The following DDB2 variants were observed in gnomAD, a reference collection of about 807,000 sequenced individuals.
DDB2 encodes DNA damage-binding protein 2.
In DDB2, 27 loss-of-function variants were observed where a neutral mutation model predicts 50.5. The observed-to-expected ratio is 0.53, with a 90% CI of 0.39 to 0.74. The LOEUF is 0.74. DDB2 is among the 30% of genes least tolerant of loss of function. The pLI, the probability that DDB2 is intolerant of heterozygous loss-of-function variation, is 0.00. For missense variants in DDB2, 424 were observed against 545.6 expected, an observed-to-expected ratio of 0.78 and a Z score of 2.22; for synonymous variants, 176 against 205.5, an observed-to-expected ratio of 0.86 and a Z score of 1.23.
intron 7 of DDB2, 80 bp from the exon 8 acceptor site, chr11:47,237,757 T>A (rs1170887303): frequency 6.9e-7 from 1 of 1,441,862 alleles, no homozygotes; most frequent in Non-Finnish European, 9.8e-7. Flanking sequence ...TTGATGTTCC[T>A]CTTTGTTCAT....
At position 47,239,006 on chromosome 11, in the gene DDB2, C is replaced by T; in HGVS notation, c.*157C>T. The stretch of plus-strand genomic sequence containing the variant: ...GACCTGGGGCACTGTGGGACTGGGA[C>T]ACTTTTATGTTAATGCTCTGGACTT... On this transcript the variant is annotated 3_prime_UTR_variant, in exon 10 of 10. Coordinates refer to ENST00000256996, the MANE Select transcript of DDB2 (RefSeq NM_000107.3). The T allele has an allele frequency of 1.4e-6, 1 of 707,082 alleles. No individual in the cohort carries two copies. The highest frequency in any genetic ancestry group is 2.4e-6 in the Non-Finnish European group (1 of 414,364). 43.8% of individuals were successfully genotyped at this position (707,082 alleles called of 1,614,324 possible). A position where few individuals can be genotyped will look rare whatever the true frequency, so the allele number is the denominator to read the frequency against.
intron 6 of DDB2, 168 bp downstream of exon 6, chr11:47,235,102 G>A (rs771715652): frequency 9.7e-5 from 125 of 1,292,842 alleles, no homozygotes; most frequent in Admixed American, 1.5e-4. Context: ...CAGCTGCTGA[G>A]TTTCCAGAAT....
At chr11:47,225,564 C>T (rs899817492) in intron 3 of DDB2, among the ~76,000 whole-genome samples, 2 of 151,770 alleles carry the variant, frequency 1.3e-5, no homozygotes, top group South Asian at 2.1e-4. Flanking sequence ...TGCACTCCAG[C>T]CTGGGCAACA....
chr11:47,216,021 C>T, intron 1 of DDB2: 1 of 449,098 alleles, frequency 2.2e-6, no homozygotes, highest in South Asian at 2.1e-5. Flanking sequence ...AGTTTTGCAG[C>T]CCAAACTGGG....
chr11:47,226,278 C>CTTTTTTTTTT (rs759607243), intron 3 of DDB2, among the ~76,000 whole-genome samples: 1 of 139,288 alleles, frequency 7.2e-6, no homozygotes. Context: ...CATTTATTTT[C>CTTTTTTTTTT]TTTTTTTTTT....
At chr11:47,214,897 C>T, upstream of DDB2, 1 of 578,392 alleles carries the variant, frequency 1.7e-6, no homozygotes, top group Non-Finnish European at 3.0e-6. Flanking sequence ...CGCCCCTTGG[C>T]ACCACCCCCT....
intron 3 of DDB2, among the ~76,000 whole-genome samples, chr11:47,219,727 T>C (rs1473212101): frequency 6.6e-6 from 1 of 152,186 alleles, no homozygotes; most frequent in East Asian, 1.9e-4. Context: ...TCCACTATTT[T>C]TCTAGCTCTG....
chr11:47,231,119 CAAAAAAAAAAAAAAA>C (rs139290057), intron 3 of DDB2, among the ~76,000 whole-genome samples: 3 of 58,366 alleles, frequency 5.1e-5, no homozygotes, highest in Non-Finnish European at 9.4e-5. Context: ...GCCTTCATCT[CAAAAAAAAAAAAAAA>C]AAAAAAAAAA....
chr11:47,216,608 A>T (rs1953404013), intron 2 of DDB2, 136 bp downstream of exon 2: 1 of 1,327,206 alleles, frequency 7.5e-7, no homozygotes, highest in Non-Finnish European at 1.1e-6. Context: ...TGACTGGCCT[A>T]CTGGGCACTC....
intron 3 of DDB2, among the ~76,000 whole-genome samples, chr11:47,231,690 T>C (rs1476776902): frequency 6.6e-6 from 1 of 151,996 alleles, no homozygotes; most frequent in Non-Finnish European, 1.5e-5. Flanking sequence ...GTCTAAATTT[T>C]TTTTGTGTGT....
chr11:47,235,589 C>A, intron 7 of DDB2, 177 bp downstream of exon 7: 2 of 665,642 alleles, frequency 3.0e-6, no homozygotes, highest in Non-Finnish European at 5.3e-6. Flanking sequence ...CCCACTTCTG[C>A]CATCCCATAT....
chr11:47,224,586 G>T (rs1290090489), intron 3 of DDB2, among the ~76,000 whole-genome samples: 1 of 152,074 alleles, frequency 6.6e-6, no homozygotes, highest in African/African-American at 2.4e-5. Flanking sequence ...TGAAGAAAAA[G>T]AACAGTTCTT....
At chr11:47,225,297 T>TA (rs1953542275) in intron 3 of DDB2, among the ~76,000 whole-genome samples, 11 of 149,944 alleles carry the variant, frequency 7.3e-5, no homozygotes, top group African/African-American at 2.4e-5. Context: ...CTGCTTTTTT[T>TA]AAAAAAAATT....
intron 2 of DDB2, among the ~76,000 whole-genome samples, 172 bp downstream of exon 2, chr11:47,216,644 G>T (rs1435912696): frequency 6.6e-6 from 1 of 152,190 alleles, no homozygotes; most frequent in Non-Finnish European, 1.5e-5. Context: ...GTCTTATGTT[G>T]TAAAGGTCCC....
chr11:47,215,037 G>A lies in DDB2; in HGVS notation c.-100G>A. The A allele has an allele frequency of 2.5e-6, 4 of 1,574,632 alleles. No homozygotes were observed. The highest frequency in any genetic ancestry group is 2.2e-5 in the East Asian group (1 of 44,566). ...GCTTAGCTCGGCTACCTGTGGCCCC[G>A]CAGTTTTGTAGTCCCCGCCTTGTTT... On this transcript the variant is annotated 5_prime_UTR_variant, in exon 1 of 10. Transcript: ENST00000256996.
At chr11:47,223,506 C>T (rs983540173) in intron 3 of DDB2, among the ~76,000 whole-genome samples, 8 of 150,926 alleles carry the variant, frequency 5.3e-5, no homozygotes, top group African/African-American at 1.5e-4. Flanking sequence ...TAAGGCTGGG[C>T]GCGGTGGCTG....
intron 4 of DDB2, among the ~76,000 whole-genome samples, chr11:47,233,765 C>T (rs1042676799): frequency 5.9e-5 from 9 of 151,886 alleles, no homozygotes; most frequent in Non-Finnish European, 1.0e-4. Context: ...CAGCTAGAGC[C>T]GTGACTCTGA....
rs534403007 is a variant in DDB2, at chr11:47,219,323, C to T, written c.456+2274C>T. 3.9e-5 allele frequency among the ~76,000 whole-genome samples: 6 copies of T among 152,036 alleles called. No homozygotes were observed. In the South Asian group the frequency reaches 6.2e-4, roughly 16 times the overall value. Reference sequence around the variant, plus strand: ...CATTTTAAAGTGCACAGTTCAATGGCGTTGGGTAAATTGTGTAAGCAGTCT... The same window carrying T: ...CATTTTAAAGTGCACAGTTCAATGGTGTTGGGTAAATTGTGTAAGCAGTCT... On this transcript the variant is annotated intron_variant, in intron 3 of 9. Coordinates refer to ENST00000256996, the MANE Select transcript of DDB2 (RefSeq NM_000107.3).
chr11:47,228,452 C>G (rs1953591679), intron 3 of DDB2, among the ~76,000 whole-genome samples: 1 of 151,722 alleles, frequency 6.6e-6, no homozygotes, highest in Non-Finnish European at 1.5e-5. Context: ...ACCAGCCTGG[C>G]CAACATGGCA....
Sources: allele counts gnomAD v4.1 joint callset (sites outside exome capture counted in the v4.1 genomes callset), GRCh38; gene constraint gnomAD v4.1.1; transcripts MANE v1.5; gene names NCBI Gene and HGNC (gene_info 2026-07-23, HGNC 2026-07-21).